The following BBS9 variants were observed in gnomAD, a reference collection of about 807,000 sequenced individuals.
The protein encoded by BBS9 is Bardet-Biedl syndrome 9, also known as protein PTHB1.
BBS9 carries 89 observed loss-of-function variants against 117.7 expected under a neutral mutation model. The ratio of observed to expected loss-of-function variants is 0.76; its 90% confidence interval spans 0.64 to 0.90. The LOEUF (loss-of-function observed/expected upper bound fraction) is 0.90, where lower values mean the gene tolerates loss of function less well. BBS9 is among the 40% of genes least tolerant of loss of function. The pLI is 0.00. For missense variants in BBS9, 982 were observed against 1,042.2 expected, an observed-to-expected ratio of 0.94 and a Z score of 0.80; for synonymous variants, 379 against 370.9, an observed-to-expected ratio of 1.02 and a Z score of -0.25.
At chr7:33,133,659 T>C (rs1202477104) in intron 1 of BBS9, among the ~76,000 whole-genome samples, 5 of 152,234 alleles carry the variant, frequency 3.3e-5, no homozygotes, top group Non-Finnish European at 7.3e-5. Context: ...CCAAATAATA[T>C]TCCACTGTAT....
intron 4 of BBS9, among the ~76,000 whole-genome samples, chr7:33,158,845 C>T (rs1000585027): frequency 5.9e-5 from 9 of 151,332 alleles, no homozygotes; most frequent in Non-Finnish European, 1.3e-4. Flanking sequence ...ATTGGGCAGT[C>T]TCTTGAGCCA....
Position 33,336,558 on chromosome 7 carries a change from T to C in BBS9, c.1134T>C (p.Tyr378=), listed in dbSNP as rs1255634699. The stretch of plus-strand genomic sequence containing the variant: ...ACGTTCAATCTCGAGAACTAAACTA[T>C]GATGAACTTGATGTAGAAATGAAAG... ...APNVQSRELN[Y]DELDVEMKEL... is the part of the protein sequence containing the mutation. The change falls in exon 10 of 23, where the codon TAT becomes TAC. Residue 378 remains tyrosine (Y), a synonymous_variant. Coordinates refer to ENST00000242067, the MANE Select transcript of BBS9 (RefSeq NM_198428.3). The C allele has an allele frequency of 3.1e-6, 5 of 1,613,028 alleles. No individual in the cohort carries two copies. In the Admixed American group the frequency reaches 6.7e-5, roughly 22 times the overall value.
rs547343856 is a variant in BBS9 at position 33,527,548 on chromosome 7, G to A, written c.2299-6406G>A. Among the ~76,000 whole-genome samples, 4 of 152,300 alleles carry A rather than the reference G, an allele frequency of 2.6e-5. No homozygotes were observed. The East Asian group carries it at 7.7e-4, about 29-fold the overall frequency. Reference sequence around the variant, plus strand: ...GTCACCCCTTTCTTTGACTCGGAAAGGGAACTCCCTGACCCCTTGCGCTTC... The same window carrying A: ...GTCACCCCTTTCTTTGACTCGGAAAAGGAACTCCCTGACCCCTTGCGCTTC... On this transcript the variant is annotated intron_variant, in intron 20 of 22. Transcript: ENST00000242067.
At chr7:33,280,455 T>G (rs962814486) in intron 9 of BBS9, among the ~76,000 whole-genome samples, 1 of 152,208 alleles carries the variant, frequency 6.6e-6, no homozygotes, top group Admixed American at 6.5e-5. Flanking sequence ...CCCCCATATC[T>G]TTTCTGGATT....
chr7:33,224,541 TA>T (rs144034453), intron 5 of BBS9, among the ~76,000 whole-genome samples: 3 of 152,344 alleles, frequency 2.0e-5, no homozygotes, highest in African/African-American at 4.8e-5. Flanking sequence ...TTTTCTGGCT[TA>T]AAAAATATGT....
intron 8 of BBS9, 111 bp from the exon 9 acceptor site, chr7:33,273,716 T>G: frequency 2.1e-6 from 2 of 932,594 alleles, no homozygotes; most frequent in South Asian, 3.1e-5. Flanking sequence ...AATCTTTATG[T>G]ATTAAAATCC....
chr7:33,132,252 G>A (rs1297817509), intron 1 of BBS9, among the ~76,000 whole-genome samples: 1 of 152,138 alleles, frequency 6.6e-6, no homozygotes, highest in Non-Finnish European at 1.5e-5. Context: ...TTTAGGTACC[G>A]CACATCACTT....
At chr7:33,368,658 T>G (rs1822283476) in intron 17 of BBS9, among the ~76,000 whole-genome samples, 1 of 145,076 alleles carries the variant, frequency 6.9e-6, no homozygotes, top group Non-Finnish European at 1.5e-5. Flanking sequence ...ACATTCCAAT[T>G]AAAAAAAAAA....
At chr7:33,303,666 G>A (rs1220694101) in intron 9 of BBS9, among the ~76,000 whole-genome samples, 20 of 151,734 alleles carry the variant, frequency 1.3e-4, no homozygotes, top group Non-Finnish European at 5.9e-5. Context: ...GTGCCGCCAC[G>A]CCTGACTGGT....
intron 21 of BBS9, among the ~76,000 whole-genome samples, chr7:33,600,034 T>C (rs963107098): frequency 6.6e-6 from 1 of 152,020 alleles, no homozygotes; most frequent in Non-Finnish European, 1.5e-5. Flanking sequence ...CCACAAGGAG[T>C]TTGCTGGTAT....
At chr7:33,273,455 C>T (rs1410472740) in intron 8 of BBS9, among the ~76,000 whole-genome samples, 1 of 152,148 alleles carries the variant, frequency 6.6e-6, no homozygotes, top group Non-Finnish European at 1.5e-5. Context: ...CATAATGTGG[C>T]TATTCAAGAT....
intron 10 of BBS9, among the ~76,000 whole-genome samples, chr7:33,337,174 G>A (rs1376076725): frequency 3.9e-5 from 6 of 152,020 alleles, no homozygotes; most frequent in African/African-American, 1.4e-4. Context: ...CAGTTCCCGA[G>A]TTTTGAATAA....
In BBS9 at chr7:33,505,484, G is replaced by A. The variant is rs1048975482; in HGVS notation, c.2137G>A (p.Val713Met). ...YKQVIALADA[V>M]EENQGNLFQS... ...GCAGGTAATTGCTCTAGCAGATGCA[G>A]TGGAGGAAAACCAAGGCAATCTGTT... The change falls in exon 20 of 23, where the codon GTG (valine) becomes ATG (methionine). Residue 713 changes from valine to methionine, a missense_variant. Coordinates refer to ENST00000242067, the MANE Select transcript of BBS9 (RefSeq NM_198428.3). The A allele has an allele frequency of 7.4e-6, 12 of 1,614,056 alleles. No individual in the cohort carries two copies. The highest frequency in any genetic ancestry group is 9.3e-6 in the Non-Finnish European group (11 of 1,179,990).
intron 9 of BBS9, among the ~76,000 whole-genome samples, chr7:33,312,232 TG>T (rs1438332255): frequency 1.3e-5 from 2 of 152,250 alleles, no homozygotes; most frequent in African/African-American, 4.8e-5. Context: ...GTGTTATGAC[TG>T]AATTTTGTGC....
intron 5 of BBS9, among the ~76,000 whole-genome samples, chr7:33,206,346 T>A (rs1248928346): frequency 6.6e-6 from 1 of 152,220 alleles, no homozygotes; most frequent in East Asian, 1.9e-4. Context: ...TGGGATATCT[T>A]TGTTATAGCA....
At chr7:33,391,431 C>A (rs1336153753) in intron 19 of BBS9, among the ~76,000 whole-genome samples, 2 of 152,150 alleles carry the variant, frequency 1.3e-5, no homozygotes, top group Non-Finnish European at 2.9e-5. Context: ...TGCACACATA[C>A]ACCAGCATAC....
In BBS9 at chr7:33,540,356, T is replaced by C. The variant is rs556976536; in HGVS notation, c.2521+6180T>C. Among the ~76,000 whole-genome samples, 3 of 152,308 alleles carry C rather than the reference T, an allele frequency of 2.0e-5. No individual in the cohort carries two copies. The South Asian group carries it at 6.2e-4, about 32-fold the overall frequency. ...GGACATAAAGGTGGATACATTGATATGGAAGCAGGATAGGCCTTTCTATGT... is the reference window on the plus strand; with the variant it reads ...GGACATAAAGGTGGATACATTGATACGGAAGCAGGATAGGCCTTTCTATGT... On this transcript the variant is annotated intron_variant, in intron 21 of 22. Coordinates refer to ENST00000242067, the MANE Select transcript of BBS9 (RefSeq NM_198428.3).
chr7:33,199,537 A>T (rs1293092085), intron 5 of BBS9, among the ~76,000 whole-genome samples: 1 of 151,828 alleles, frequency 6.6e-6, no homozygotes, highest in Non-Finnish European at 1.5e-5. Context: ...TTATTGAAGC[A>T]AGCTAGAAGT....
At chr7:33,273,310 G>C in intron 8 of BBS9, 115 bp downstream of exon 8, 1 of 1,084,044 alleles carries the variant, frequency 9.2e-7, no homozygotes, top group Non-Finnish European at 1.4e-6. Flanking sequence ...GTTTAATATT[G>C]AATATGTAAT....
Sources: allele counts gnomAD v4.1 joint callset (sites outside exome capture counted in the v4.1 genomes callset), GRCh38; gene constraint gnomAD v4.1.1; transcripts MANE v1.5; gene names NCBI Gene and HGNC (gene_info 2026-07-23, HGNC 2026-07-21).